Variants in CCT5 observed in about 807,000 individuals in gnomAD.
CCT5 encodes the protein T-complex protein 1 subunit epsilon.
Under a neutral mutation model 55.0 loss-of-function variants are expected in CCT5, and 6 were observed. The ratio of observed to expected loss-of-function variants is 0.11; its 90% CI spans 0.06 to 0.22. The LOEUF (loss-of-function observed/expected upper bound fraction) is 0.22, where lower values mean the gene tolerates loss of function less well. Ranked by LOEUF, CCT5 falls within the 10% of genes least tolerant of loss-of-function variation. The probability of loss-of-function intolerance (pLI) is 1.00; values close to 1 mark genes in which losing one functional copy is unlikely to be tolerated. For missense variants in CCT5, 560 were observed against 694.6 expected (o/e 0.81, Z 2.18); for synonymous variants, 231 against 243.7 (o/e 0.95, Z 0.49).
rs771944850 is a variant in CCT5, at chr5:10,262,530, G to A, written c.1229G>A (p.Arg410Gln). Residue 410 changes from arginine (R) to glutamine (Q), a missense_variant, in exon 9 of 11, where the codon CGG becomes CAG. Physicochemically the swap from Arg to Gln is conservative, Grantham distance 43. This residue lies in a region of CCT5 where 256 missense variants were observed against 372.4 expected (regional missense o/e 0.69). Transcript: ENST00000280326. ...RSLHDALCVIRNLIRDNRVVY... is the reference protein window; with the variant it reads ...RSLHDALCVIQNLIRDNRVVY... ...CTTCACGATGCTTTGTGTGTCATCC[G>A]GAACCTCATCCGCGATAATCGTGTG... 17 of 1,614,096 alleles carry A rather than the reference G, an allele frequency of 1.1e-5. No homozygotes were observed. The East Asian group carries it at 1.3e-4, about 13-fold the overall frequency.
Position 10,250,333 on chromosome 5 carries a change from G to A in CCT5, c.-8G>A. The A allele has an allele frequency of 1.9e-6, 3 of 1,614,042 alleles. No individual in the cohort carries two copies. The highest frequency in any genetic ancestry group is 2.5e-6 in the Non-Finnish European group (3 of 1,180,038). On this transcript the variant is annotated 5_prime_UTR_variant, in exon 1 of 11. Transcript: ENST00000280326. ...CGGTTGGGGGGAAGTAATTCCGGTT[G>A]TTGCACCATGGCGTCCATGGGGACC...
At chr5:10,263,888 A>G (rs1319733039) in intron 10 of CCT5, among the ~76,000 whole-genome samples, 1 of 152,214 alleles carries the variant, frequency 6.6e-6, no homozygotes, top group Admixed American at 6.5e-5. Flanking sequence ...TCTGCTTTCC[A>G]TGCTCAAATT....
chr5:10,251,385 G>C lies in CCT5; in HGVS notation c.105+940G>C, dbSNP rs530722386. Among the ~76,000 whole-genome samples the C allele has an allele frequency of 2.0e-5, 3 of 152,230 alleles. No individual in the cohort carries two copies. In the South Asian group the frequency reaches 6.2e-4, roughly 32 times the overall value. On this transcript the variant is annotated intron_variant, in intron 1 of 10. Transcript: ENST00000280326. Reference sequence around the variant, plus strand: ...GAGGGGTTAAAGAAACCAGGGCAGGGGTGCAGGTAAGAAACATCTGAGCAC... The same window carrying C: ...GAGGGGTTAAAGAAACCAGGGCAGGCGTGCAGGTAAGAAACATCTGAGCAC...
chr5:10,251,462 G>A (rs1366027672), intron 1 of CCT5, among the ~76,000 whole-genome samples: 2 of 152,122 alleles, frequency 1.3e-5, no homozygotes, highest in Non-Finnish European at 2.9e-5. Flanking sequence ...GGGCCTTCAG[G>A]GTTTGTTATA....
chr5:10,261,667 T>C lies in CCT5; in HGVS notation c.1101T>C (p.Thr367=). ...TACAGGAGATCTCATTTGGGACAACTAAGGATAAAATGCTGGTCATCGAGC... is the reference window on the plus strand; with the variant it reads ...TACAGGAGATCTCATTTGGGACAACCAAGGATAAAATGCTGGTCATCGAGC... ...GLVQEISFGT[T]KDKMLVIEQC... is the part of the protein sequence containing the mutation. Residue 367 remains threonine, a synonymous_variant, in exon 8 of 11, where the codon ACT becomes ACC. Transcript: ENST00000280326. 1 of 1,614,034 alleles carries C rather than the reference T, an allele frequency of 6.2e-7. No homozygotes were observed. Among genetic ancestry groups the C allele is most frequent in the Non-Finnish European group, 8.5e-7 (1 of 1,179,940 alleles).
chr5:10,263,679 GTGGTTAATCC>G (rs1746092348), intron 10 of CCT5, among the ~76,000 whole-genome samples: 1 of 152,200 alleles, frequency 6.6e-6, no homozygotes, highest in East Asian at 1.9e-4. Context: ...AGTTCACTGT[GTGGTTAATCC>G]TGCACACTGT....
At chr5:10,251,775 AATTGTATT>A (rs1402654640) in intron 1 of CCT5, among the ~76,000 whole-genome samples, 2 of 152,230 alleles carry the variant, frequency 1.3e-5, no homozygotes, top group African/African-American at 4.8e-5. Flanking sequence ...GTTTCAAGCT[AATTGTATT>A]ATGTATTCCA....
intron 4 of CCT5, among the ~76,000 whole-genome samples, chr5:10,257,574 CAT>C (rs33931609): frequency 0.11 from 17,279 of 152,146 alleles, 1,683 homozygotes; most frequent in African/African-American, 0.27. Context: ...TGTCTATTCA[CAT>C]GTTTCAAAGC....
chr5:10,264,647 AT>A lies in CCT5; in HGVS notation c.1499-4del. The A allele has an allele frequency of 6.3e-7, 1 of 1,583,394 alleles. No homozygotes were observed. The highest frequency in any genetic ancestry group is 8.7e-7 in the Non-Finnish European group (1 of 1,152,232). The stretch of plus-strand genomic sequence containing the variant: ...ATTTTAGGATAATCAGTGTCCTTGT[AT>A]TTTTCAGATATGAAGCAACAGCATG... On this transcript the variant is annotated splice_region_variant and splice_polypyrimidine_tract_variant and intron_variant, in intron 10 of 10. Coordinates refer to ENST00000280326, the MANE Select transcript of CCT5 (RefSeq NM_012073.5).
At chr5:10,258,738 G>A (rs1579452540) in intron 6 of CCT5, among the ~76,000 whole-genome samples, 1 of 152,244 alleles carries the variant, frequency 6.6e-6, no homozygotes, top group East Asian at 1.9e-4. Context: ...CAGTGGCCAT[G>A]CCTATAATCC....
chr5:10,250,154 G>T, upstream of CCT5: 1 of 1,536,520 alleles, frequency 6.5e-7, no homozygotes, highest in Non-Finnish European at 8.7e-7. Context: ...GATAATAGAA[G>T]TTCCCGAAGG....
Position 10,250,340 on chromosome 5 carries a change from C to T in CCT5, c.-1C>T, listed in dbSNP as rs1408639316. The T allele has an allele frequency of 3.7e-6, 6 of 1,613,962 alleles. No individual in the cohort carries two copies. The South Asian group carries it at 4.4e-5, about 12-fold the overall frequency. The stretch of plus-strand genomic sequence containing the variant: ...GGGGAAGTAATTCCGGTTGTTGCAC[C>T]ATGGCGTCCATGGGGACCCTCGCCT... On this transcript the variant is annotated 5_prime_UTR_variant, in exon 1 of 11. Coordinates refer to ENST00000280326, the MANE Select transcript of CCT5 (RefSeq NM_012073.5).
intron 10 of CCT5, among the ~76,000 whole-genome samples, chr5:10,264,315 T>G (rs1746121421): frequency 6.6e-6 from 1 of 152,186 alleles, no homozygotes. Flanking sequence ...ATCTTACATT[T>G]CAGCTGTGGT....
At chr5:10,264,626 T>G (rs1227539174) in intron 10 of CCT5, 30 bp from the exon 11 acceptor site, 1 of 1,381,018 alleles carries the variant, frequency 7.2e-7, no homozygotes, top group South Asian at 1.2e-5. Flanking sequence ...TATGCTATTT[T>G]AGGATAATCA....
intron 7 of CCT5, 134 bp downstream of exon 7, chr5:10,261,045 G>T (rs987759187): frequency 3.3e-6 from 3 of 901,654 alleles, no homozygotes; most frequent in Non-Finnish European, 5.6e-6. Context: ...AGCTGGGAGA[G>T]AGGAAAGCGC....
intron 7 of CCT5, 100 bp from the exon 8 acceptor site, chr5:10,261,460 C>G: frequency 9.0e-7 from 1 of 1,106,748 alleles, no homozygotes; most frequent in Non-Finnish European, 1.4e-6. Flanking sequence ...TTCTAGTGAA[C>G]AAGTTGGTCT....
At chr5:10,255,876 G>A in intron 3 of CCT5, 79 bp from the exon 4 acceptor site, 2 of 1,198,608 alleles carry the variant, frequency 1.7e-6, no homozygotes, top group Admixed American at 1.9e-5. Context: ...TTCCATGATA[G>A]CATCTAACTT....
chr5:10,264,395 A>G (rs1363679102), intron 10 of CCT5, among the ~76,000 whole-genome samples: 2 of 152,210 alleles, frequency 1.3e-5, no homozygotes, highest in African/African-American at 4.8e-5. Flanking sequence ...TTCCTGAAAA[A>G]TGTCACCCTG....
chr5:10,261,333 G>T, intron 7 of CCT5: 1 of 592,138 alleles, frequency 1.7e-6, no homozygotes, highest in East Asian at 3.0e-5. Context: ...ACGGGCGCCG[G>T]GTGATAGATC....
Sources: gnomAD v4.1 joint callset for allele counts (sites outside exome capture counted in the v4.1 genomes callset) on GRCh38, gnomAD v4.1.1 for gene constraint, gnomAD v4.1.1 regional missense constraint, MANE v1.5 for transcripts, NCBI Gene and HGNC (gene_info 2026-07-23, HGNC 2026-07-21) for gene names.